COTL1: variants seen among roughly 807,000 people sequenced by gnomAD.
COTL1 encodes coactosin like F-actin binding protein 1, also known as coactosin-like protein.
A neutral mutation model predicts 16.5 loss-of-function variants in COTL1; 15 were observed. The observed-to-expected ratio is 0.91, with a 90% CI of 0.61 to 1.40. COTL1 has a LOEUF of 1.40. Ranked by LOEUF, COTL1 falls within the 40% of genes most tolerant of loss-of-function variation. COTL1 has a pLI of 0.00. For synonymous variants in COTL1, 112 were observed against 85.3 expected (o/e 1.31, Z -1.73); for missense variants, 220 against 201.5 (o/e 1.09, Z -0.56).
chr16:84,611,413 G>A (rs1001151801), intron 2 of COTL1, among the ~76,000 whole-genome samples: 1 of 152,212 alleles, frequency 6.6e-6, no homozygotes, highest in Non-Finnish European at 1.5e-5. Flanking sequence ...AAGAAACTTT[G>A]GCATTACAGT....
chr16:84,592,697 G>A (rs1904900157), intron 2 of COTL1, among the ~76,000 whole-genome samples: 1 of 152,102 alleles, frequency 6.6e-6, no homozygotes, highest in African/African-American at 2.4e-5. Context: ...CAAGACCCAA[G>A]GACACAAACC....
intron 3 of COTL1, among the ~76,000 whole-genome samples, chr16:84,572,659 G>A (rs1048554953): frequency 6.6e-5 from 10 of 152,068 alleles, no homozygotes; most frequent in African/African-American, 1.4e-4. Context: ...ACGTGGTTTC[G>A]TCATGTTGCC....
intron 3 of COTL1, among the ~76,000 whole-genome samples, chr16:84,580,664 C>T (rs1904567579): frequency 6.6e-6 from 1 of 152,144 alleles, no homozygotes; most frequent in African/African-American, 2.4e-5. Flanking sequence ...TCCACCTGAA[C>T]ACTCACCTTG....
intron 2 of COTL1, among the ~76,000 whole-genome samples, chr16:84,607,777 C>T (rs994684473): frequency 6.6e-6 from 1 of 152,116 alleles, no homozygotes; most frequent in African/African-American, 2.4e-5. Flanking sequence ...ACTGCAAGCT[C>T]ACTGGGGTCA....
At chr16:84,605,009 G>C (rs1003057632) in intron 2 of COTL1, among the ~76,000 whole-genome samples, 1 of 152,250 alleles carries the variant, frequency 6.6e-6, no homozygotes, top group Non-Finnish European at 1.5e-5. Context: ...CAGGGCAGGA[G>C]GGAACACTCG....
At chr16:84,606,451 G>C (rs148465625) in intron 2 of COTL1, among the ~76,000 whole-genome samples, 9 of 152,390 alleles carry the variant, frequency 5.9e-5, no homozygotes, top group African/African-American at 2.2e-4. Flanking sequence ...ATACTGCAGA[G>C]AACAAAGCTG....
chr16:84,607,104 G>A (rs1013239406), intron 2 of COTL1, among the ~76,000 whole-genome samples: 2 of 152,206 alleles, frequency 1.3e-5, no homozygotes, highest in African/African-American at 4.8e-5. Context: ...CACCACCAAA[G>A]GGACAAAGTC....
At chr16:84,568,556 T>C (rs1904308712) in intron 3 of COTL1, 1 of 152,068 alleles carries the variant, frequency 6.6e-6, no homozygotes, top group Non-Finnish European at 1.5e-5. Context: ...ATGAAGACCA[T>C]GTACTGTCAG....
chr16:84,600,517 T>C (rs1284779109), intron 2 of COTL1, among the ~76,000 whole-genome samples: 1 of 152,178 alleles, frequency 6.6e-6, no homozygotes, highest in Non-Finnish European at 1.5e-5. Flanking sequence ...TTCACCGTGT[T>C]GGCCAGGCTG....
At chr16:84,570,082 C>G (rs937264584) in intron 3 of COTL1, among the ~76,000 whole-genome samples, 1 of 152,134 alleles carries the variant, frequency 6.6e-6, no homozygotes, top group African/African-American at 2.4e-5. Flanking sequence ...TCGAGACCAG[C>G]CTGGCCAACA....
At chr16:84,591,685 C>T (rs997068490) in intron 2 of COTL1, among the ~76,000 whole-genome samples, 5 of 140,662 alleles carry the variant, frequency 3.6e-5, no homozygotes, top group African/African-American at 5.3e-5. Flanking sequence ...TAGCTGGGCA[C>T]GGTGGCAGGC....
intron 3 of COTL1, chr16:84,576,180 C>G (rs1904449445): frequency 6.6e-6 from 1 of 152,218 alleles, no homozygotes. Context: ...AAGCCAGGCC[C>G]AGGGTTAGCT....
At chr16:84,615,154 C>A (rs1194822592) in intron 2 of COTL1, among the ~76,000 whole-genome samples, 1 of 152,244 alleles carries the variant, frequency 6.6e-6, no homozygotes, top group Non-Finnish European at 1.5e-5. Flanking sequence ...CCGAGAGGAA[C>A]AAGAGCAGAC....
intron 2 of COTL1, among the ~76,000 whole-genome samples, chr16:84,605,568 G>C (rs1230700025): frequency 6.6e-6 from 1 of 152,232 alleles, no homozygotes; most frequent in Non-Finnish European, 1.5e-5. Flanking sequence ...CCTTAAATGG[G>C]GAAGGGTGGG....
intron 3 of COTL1, among the ~76,000 whole-genome samples, chr16:84,578,244 C>T (rs1904495908): frequency 6.6e-6 from 1 of 152,216 alleles, no homozygotes; most frequent in Non-Finnish European, 1.5e-5. Flanking sequence ...TCTTATTCCT[C>T]AGCCACATCC....
chr16:84,617,755 G>GTC (rs1009606398), intron 1 of COTL1, 83 bp downstream of exon 1: 2 of 1,439,208 alleles, frequency 1.4e-6, no homozygotes, highest in Non-Finnish European at 1.9e-6. Flanking sequence ...GCCCGAATCC[G>GTC]TCCCGCCTGG....
At chr16:84,605,056 C>T (rs996222246) in intron 2 of COTL1, among the ~76,000 whole-genome samples, 4 of 152,248 alleles carry the variant, frequency 2.6e-5, no homozygotes, top group Non-Finnish European at 5.9e-5. Context: ...CCCAGACACA[C>T]GCACAGGCTT....
intron 2 of COTL1, among the ~76,000 whole-genome samples, chr16:84,600,458 A>G (rs2914842): frequency 0.13 from 20,291 of 151,924 alleles, 1,432 homozygotes; most frequent in East Asian, 0.23. Context: ...GATTACAGGC[A>G]CCTGCCACCA....
chr16:84,582,550 T>C (rs1904622678), intron 3 of COTL1, among the ~76,000 whole-genome samples: 2 of 152,238 alleles, frequency 1.3e-5, no homozygotes, highest in African/African-American at 4.8e-5. Context: ...TAGGAGATTA[T>C]TTCCTTGTTA....
Sources: gnomAD v4.1 joint callset for allele counts (sites outside exome capture counted in the v4.1 genomes callset) on GRCh38, gnomAD v4.1.1 for gene constraint, MANE v1.5 for transcripts, NCBI Gene and HGNC (gene_info 2026-07-23, HGNC 2026-07-21) for gene names.